The following NREP variants were observed in gnomAD, a reference collection of about 807,000 sequenced individuals.
NREP encodes neuronal regeneration-related protein.
In NREP, 5 loss-of-function variants were observed where a neutral mutation model predicts 8.6. That is an observed-to-expected ratio of 0.58 (90% CI 0.30 to 1.22). The LOEUF (loss-of-function observed/expected upper bound fraction) is 1.22. Ranked by LOEUF, NREP falls within the 50% of genes most tolerant of loss-of-function variation. NREP has a pLI of 0.07. For synonymous variants in NREP, 27 were observed against 28.0 expected (o/e 0.96, Z 0.11); for missense variants, 86 against 82.5 (o/e 1.04, Z -0.17).
Position 111,958,320 on chromosome 5 carries a change from A to G in NREP, c.135+16954T>C, listed in dbSNP as rs372389630. ...TCTTTATCCAGAAAAAAAATTGGACATAAATCCCATCTAATGCAATAAGAG... is the reference window on the plus strand; with the variant it reads ...TCTTTATCCAGAAAAAAAATTGGACGTAAATCCCATCTAATGCAATAAGAG... On this transcript the variant is annotated intron_variant, in intron 2 of 3. Coordinates refer to the NREP transcript ENST00000395634. Among the ~76,000 whole-genome samples the G allele has an allele frequency of 6.5e-4, 99 of 152,056 alleles. 1 individual carries two copies. The highest frequency in any genetic ancestry group is 2.3e-3 in the African/African-American group (97 of 41,566).
intron 3 of NREP, chr5:111,734,822 A>G: frequency 1.6e-6 from 1 of 615,682 alleles, no homozygotes; most frequent in Non-Finnish European, 3.0e-6. Context: ...TAAGAGGCAA[A>G]GTCCAGTATC....
At chr5:111,956,338 A>G (rs574819425) in intron 2 of NREP, among the ~76,000 whole-genome samples, 1 of 152,308 alleles carries the variant, frequency 6.6e-6, no homozygotes, top group African/African-American at 2.4e-5. Flanking sequence ...GTGTATATTT[A>G]AAGTCTTCAA....
Position 111,730,047 on chromosome 5 carries a change from A to AAGTC in NREP, c.*870_*873dup, listed in dbSNP as rs1261185110. 1.3e-5 allele frequency: 2 copies of AAGTC among 151,284 alleles called. No individual in the cohort carries two copies. The highest frequency in any genetic ancestry group is 3.0e-5 in the Non-Finnish European group (2 of 67,372). The allele number at this position is 151,284 out of a possible 1,614,324, so 9.4% of individuals were successfully genotyped here. A position where few individuals can be genotyped will look rare whatever the true frequency, so the allele number is the denominator to read the frequency against. On this transcript the variant is annotated 3_prime_UTR_variant, in exon 4 of 4. Coordinates refer to ENST00000257435, the MANE Select transcript of NREP (RefSeq NM_004772.4). Reference sequence around the variant, plus strand: ...GTAAAATTATTGCTTTTCTTTCTCTAAGTCAGGCAGGCGAGGCTACGGAAA... The same window carrying AAGTC: ...GTAAAATTATTGCTTTTCTTTCTCTAAGTCAGTCAGGCAGGCGAGGCTACGGAAA...
At chr5:111,874,472 T>G (rs1272553106) in intron 2 of NREP, among the ~76,000 whole-genome samples, 4 of 152,320 alleles carry the variant, frequency 2.6e-5, no homozygotes, top group South Asian at 2.1e-4. Context: ...GCTTTGTGCA[T>G]TTCATGGTAG....
At chr5:111,901,124 G>A (rs909007773) in intron 2 of NREP, among the ~76,000 whole-genome samples, 3 of 152,044 alleles carry the variant, frequency 2.0e-5, no homozygotes, top group Non-Finnish European at 4.4e-5. Context: ...CAGTAAATGT[G>A]ACACATACAT....
intron 2 of NREP, among the ~76,000 whole-genome samples, chr5:111,877,800 T>C (rs544894720): frequency 2.0e-5 from 3 of 148,704 alleles, no homozygotes; most frequent in Non-Finnish European, 4.4e-5. Flanking sequence ...GGGGCCCTAA[T>C]TGAACTCTCA....
At chr5:111,801,006 A>T (rs1751992801) in intron 2 of NREP, among the ~76,000 whole-genome samples, 1 of 152,194 alleles carries the variant, frequency 6.6e-6, no homozygotes, top group African/African-American at 2.4e-5. Context: ...ACTTCTATAT[A>T]TTTATGACAG....
intron 2 of NREP, among the ~76,000 whole-genome samples, chr5:111,866,257 C>A (rs367835418): frequency 2.2e-4 from 34 of 151,886 alleles, no homozygotes; most frequent in African/African-American, 7.7e-4. Context: ...ACTCATCTGA[C>A]AAAGGGCTAA....
intron 2 of NREP, among the ~76,000 whole-genome samples, chr5:111,876,254 T>C (rs1004371980): frequency 3.3e-5 from 5 of 152,196 alleles, no homozygotes; most frequent in Non-Finnish European, 7.3e-5. Flanking sequence ...TGCTTTTGAT[T>C]AGAAAAAAAT....
In NREP at chr5:111,868,823, T is replaced by C. The variant is rs1283109563; in HGVS notation, c.135+106451A>G. 9.4e-5 allele frequency among the ~76,000 whole-genome samples: 14 copies of C among 148,640 alleles called. No homozygotes were observed. The South Asian group carries it at 1.3e-3, about 13-fold the overall frequency. On this transcript the variant is annotated intron_variant, in intron 2 of 3. Coordinates refer to the NREP transcript ENST00000395634. ...AATGGCAGACAAATTTGAAGCATCA[T>C]CCAGTTTTTCTTTTTTTTTTTTTTA...
intron 2 of NREP, among the ~76,000 whole-genome samples, chr5:111,916,414 C>A (rs1194158183): frequency 6.6e-6 from 1 of 151,628 alleles, no homozygotes; most frequent in Non-Finnish European, 1.5e-5. Flanking sequence ...GACATCACTG[C>A]CATTGCTGCC....
intron 2 of NREP, among the ~76,000 whole-genome samples, chr5:111,893,488 C>A (rs953632015): frequency 6.6e-6 from 1 of 151,556 alleles, no homozygotes; most frequent in Non-Finnish European, 1.5e-5. Flanking sequence ...TCTGGTGAAA[C>A]TTTTTTGTAT....
chr5:111,827,104 T>C (rs559286230), intron 2 of NREP, among the ~76,000 whole-genome samples: 5 of 152,344 alleles, frequency 3.3e-5, no homozygotes, highest in East Asian at 3.9e-4. Flanking sequence ...CTAATTTTGA[T>C]TGCTTGTTAG....
At chr5:111,784,344 A>G (rs1197144398) in intron 2 of NREP, among the ~76,000 whole-genome samples, 3 of 152,174 alleles carry the variant, frequency 2.0e-5, no homozygotes, top group African/African-American at 7.2e-5. Flanking sequence ...CTAACTGGGC[A>G]GCTCTTTTCC....
chr5:111,747,761 A>G (rs963873115), intron 2 of NREP, among the ~76,000 whole-genome samples: 2 of 152,130 alleles, frequency 1.3e-5, no homozygotes, highest in East Asian at 1.9e-4. Flanking sequence ...CTTCTTGAAT[A>G]TAAGTTATAT....
chr5:111,793,280 C>A (rs533240992), intron 2 of NREP, among the ~76,000 whole-genome samples: 1 of 152,082 alleles, frequency 6.6e-6, no homozygotes, highest in African/African-American at 2.4e-5. Context: ...ATTACGGAGG[C>A]TGAGAAGTCC....
Position 111,862,504 on chromosome 5 carries a change from G to T in NREP, c.135+112770C>A, listed in dbSNP as rs558257317. Among the ~76,000 whole-genome samples the T allele has an allele frequency of 3.9e-5, 6 of 152,216 alleles. No individual in the cohort carries two copies. In the South Asian group the frequency reaches 8.3e-4, roughly 21 times the overall value. ...TCTTTCCCTCAAGGCAGCAATATTG[G>T]GAGGTTGAGGGATGTATGACTGTTG... is the stretch of plus-strand genomic sequence containing the variant. On this transcript the variant is annotated intron_variant, in intron 2 of 3. Transcript: ENST00000395634.
chr5:111,969,319 A>C (rs145695845), intron 2 of NREP: 12 of 152,392 alleles, frequency 7.9e-5, no homozygotes, highest in Non-Finnish European at 1.8e-4. Context: ...GAACAAAAGC[A>C]GATAAAACCC....
chr5:111,946,009 G>A (rs992080658), intron 2 of NREP, among the ~76,000 whole-genome samples: 1 of 151,676 alleles, frequency 6.6e-6, no homozygotes, highest in African/African-American at 2.4e-5. Flanking sequence ...TAAGGAGCAT[G>A]TGAGCCCTAC....
Sources: allele counts gnomAD v4.1 joint callset (sites outside exome capture counted in the v4.1 genomes callset), GRCh38; gene constraint gnomAD v4.1.1; transcripts MANE v1.5; gene names NCBI Gene and HGNC (gene_info 2026-07-23, HGNC 2026-07-21).